CDH12: variants seen among roughly 807,000 people sequenced by gnomAD.
The protein encoded by CDH12 is cadherin-12.
CDH12 carries 41 observed loss-of-function variants against 74.1 expected under a neutral mutation model. The observed-to-expected ratio is 0.55, with a 90% CI of 0.43 to 0.72. The LOEUF is 0.72. Ranked by LOEUF, CDH12 falls within the 30% of genes least tolerant of loss-of-function variation. CDH12 has a pLI of 0.00. For synonymous variants in CDH12, 399 were observed against 355.0 expected (o/e 1.12, Z -1.39); for missense variants, 945 against 977.2 (o/e 0.97, Z 0.44).
chr5:22,568,077 C>T (rs901054156), intron 1 of CDH12, among the ~76,000 whole-genome samples: 1 of 152,124 alleles, frequency 6.6e-6, no homozygotes, highest in African/African-American at 2.4e-5. Flanking sequence ...ATATAGAAGA[C>T]TTTGACTTTT....
At chr5:22,834,229 C>T (rs1429807446) in intron 1 of CDH12, among the ~76,000 whole-genome samples, 1 of 152,016 alleles carries the variant, frequency 6.6e-6, no homozygotes, top group African/African-American at 2.4e-5. Context: ...GTCAAATGGC[C>T]TTTTTTCATG....
At chr5:22,482,059 C>A (rs908766898) in intron 2 of CDH12, among the ~76,000 whole-genome samples, 2 of 152,072 alleles carry the variant, frequency 1.3e-5, no homozygotes, top group Non-Finnish European at 2.9e-5. Flanking sequence ...TCAATGAAGT[C>A]CATGTAAACT....
At chr5:22,287,126 A>G (rs984724155) in intron 3 of CDH12, among the ~76,000 whole-genome samples, 6 of 152,222 alleles carry the variant, frequency 3.9e-5, no homozygotes, top group Non-Finnish European at 8.8e-5. Context: ...TGACCGTAAG[A>G]GAATAGAGAA....
At chr5:22,194,492 C>T (rs1008851783) in intron 4 of CDH12, among the ~76,000 whole-genome samples, 57 of 151,680 alleles carry the variant, frequency 3.8e-4, no homozygotes, top group African/African-American at 1.2e-3. Context: ...CCCCCATGCC[C>T]GCCTAATTTT....
intron 3 of CDH12, among the ~76,000 whole-genome samples, chr5:22,294,100 G>T (rs1159305350): frequency 1.3e-5 from 2 of 151,732 alleles, no homozygotes; most frequent in East Asian, 1.9e-4. Context: ...ATATAATTTT[G>T]TCAGTTTAGA....
intron 7 of CDH12, among the ~76,000 whole-genome samples, chr5:21,847,468 A>AT (rs1450698721): frequency 3.3e-5 from 5 of 152,038 alleles, no homozygotes; most frequent in Admixed American, 6.6e-5. Context: ...TAGAGCTGTG[A>AT]TTTTTTTCTA....
At chr5:22,683,224 G>T (rs568360972) in intron 1 of CDH12, among the ~76,000 whole-genome samples, 21 of 152,250 alleles carry the variant, frequency 1.4e-4, no homozygotes, top group Admixed American at 1.2e-3. Flanking sequence ...TGATGGTAAC[G>T]TTTCTTCCAG....
At chr5:22,232,206 A>C (rs1752408788) in intron 3 of CDH12, among the ~76,000 whole-genome samples, 2 of 151,828 alleles carry the variant, frequency 1.3e-5, no homozygotes, top group Admixed American at 1.3e-4. Context: ...TAATAAATAT[A>C]TAAAAACAAT....
intron 3 of CDH12, among the ~76,000 whole-genome samples, chr5:22,281,882 T>C (rs1736900743): frequency 6.6e-6 from 1 of 152,170 alleles, no homozygotes; most frequent in South Asian, 2.1e-4. Flanking sequence ...TAGTTTTAAT[T>C]TCATAGGAAA....
At chr5:21,902,751 C>T (rs556905839) in intron 6 of CDH12, among the ~76,000 whole-genome samples, 2 of 152,026 alleles carry the variant, frequency 1.3e-5, no homozygotes, top group Non-Finnish European at 2.9e-5. Flanking sequence ...TAATTTTGTT[C>T]AATTTTTTTT....
chr5:22,690,717 G>A (rs1742038817), intron 1 of CDH12, among the ~76,000 whole-genome samples: 1 of 152,058 alleles, frequency 6.6e-6, no homozygotes, highest in South Asian at 2.1e-4. Context: ...AAATCACTTA[G>A]TCCCTCTGTG....
At chr5:21,978,358 G>C (rs1757157196) in intron 5 of CDH12, among the ~76,000 whole-genome samples, 3 of 152,094 alleles carry the variant, frequency 2.0e-5, no homozygotes, top group African/African-American at 7.2e-5. Flanking sequence ...GGTCAGGCTG[G>C]TCTCAAACTC....
At position 22,580,592 on chromosome 5, in the gene CDH12, G is replaced by A. The variant is rs114783286; in HGVS notation, c.-522-75228C>T. On this transcript the variant is annotated intron_variant, in intron 1 of 14. Coordinates refer to ENST00000382254, the MANE Select transcript of CDH12 (RefSeq NM_004061.5). ...CTTGTGCTCACTCCATAAACTTTTG[G>A]ATTTTTTTAATCCTGAAGTACATAC... The A allele has an allele frequency of 1.2e-3, 564 of 473,626 alleles. 4 individuals carry two copies. Among genetic ancestry groups the A allele is most frequent in the African/African-American group, 0.01 (511 of 50,532 alleles). 29.3% of individuals were successfully genotyped at this position (473,626 alleles called of 1,614,324 possible).
At chr5:21,997,998 G>C (rs1736394831) in intron 5 of CDH12, among the ~76,000 whole-genome samples, 1 of 152,110 alleles carries the variant, frequency 6.6e-6, no homozygotes. Flanking sequence ...GAAAAGAAGA[G>C]AGATTTTTTA....
At chr5:22,412,540 C>A (rs551191902) in intron 2 of CDH12, among the ~76,000 whole-genome samples, 2 of 151,940 alleles carry the variant, frequency 1.3e-5, no homozygotes, top group African/African-American at 4.8e-5. Flanking sequence ...TTATAAATAT[C>A]TTTGTCATTT....
At chr5:22,244,711 AAG>A (rs1284648143) in intron 3 of CDH12, among the ~76,000 whole-genome samples, 29 of 147,158 alleles carry the variant, frequency 2.0e-4, no homozygotes, top group East Asian at 4.0e-4. Context: ...AAGAAAGAGA[AAG>A]AGAGAGAGAA....
At chr5:22,387,239 T>C (rs908858719) in intron 3 of CDH12, among the ~76,000 whole-genome samples, 4 of 151,622 alleles carry the variant, frequency 2.6e-5, no homozygotes, top group Admixed American at 2.0e-4. Context: ...TTTTAAAAAT[T>C]GTAATGTACA....
At chr5:22,270,004 G>C (rs1018358277) in intron 3 of CDH12, among the ~76,000 whole-genome samples, 3 of 152,084 alleles carry the variant, frequency 2.0e-5, no homozygotes, top group African/African-American at 7.2e-5. Flanking sequence ...ACATATTAAT[G>C]TATTTTAAAG....
intron 2 of CDH12, among the ~76,000 whole-genome samples, chr5:22,456,982 T>C (rs1303177103): frequency 1.3e-5 from 2 of 151,990 alleles, no homozygotes; most frequent in African/African-American, 2.4e-5. Context: ...GTGATTTTTT[T>C]CTTAAAAAAA....
Sources: gnomAD v4.1 joint callset for allele counts (sites outside exome capture counted in the v4.1 genomes callset) on GRCh38, gnomAD v4.1.1 for gene constraint, MANE v1.5 for transcripts, NCBI Gene and HGNC (gene_info 2026-07-23, HGNC 2026-07-21) for gene names.